Variants in HEMK2 observed in about 807,000 individuals in gnomAD.
The protein encoded by HEMK2 is HemK methyltransferase 2, ETF1 glutamine and histone H4 lysine, also known as methyltransferase HEMK2.
At chr21:28,578,447 AT>A in the HEMK2 span, among the ~76,000 whole-genome samples, 1 of 152,220 alleles carries the variant, frequency 6.6e-6, no homozygotes, top group African/African-American at 2.4e-5. Flanking sequence ...GACAGACGAT[AT>A]TGACAGTACT....
the HEMK2 span, among the ~76,000 whole-genome samples, chr21:28,749,716 G>A: frequency 3.3e-5 from 5 of 152,230 alleles, no homozygotes; most frequent in Admixed American, 3.3e-4. Context: ...AATTTCAGGA[G>A]CAGGATGAGC....
the HEMK2 span, chr21:28,879,929 T>A: frequency 6.2e-7 from 1 of 1,602,632 alleles, no homozygotes; most frequent in Non-Finnish European, 8.5e-7. Context: ...ACTTTTTCGG[T>A]CAATCTTGGT....
chr21:28,662,810 T>A, the HEMK2 span, among the ~76,000 whole-genome samples: 2 of 152,116 alleles, frequency 1.3e-5, no homozygotes, highest in Non-Finnish European at 2.9e-5. Context: ...GAACTGTGAG[T>A]CAATTAAACT....
chr21:28,617,038 A>AAAAT, the HEMK2 span, among the ~76,000 whole-genome samples: 1 of 152,246 alleles, frequency 6.6e-6, no homozygotes, highest in Non-Finnish European at 1.5e-5. Context: ...GTAAGGGAAA[A>AAAAT]AAATAAATAA....
chr21:28,611,132 A>G, the HEMK2 span, among the ~76,000 whole-genome samples: 1 of 152,240 alleles, frequency 6.6e-6, no homozygotes, highest in Non-Finnish European at 1.5e-5. Context: ...ATTCCCCAAG[A>G]TAGACCATAT....
the HEMK2 span, among the ~76,000 whole-genome samples, chr21:28,689,933 C>T: frequency 8.5e-5 from 13 of 152,202 alleles, no homozygotes; most frequent in Admixed American, 1.3e-4. Flanking sequence ...CATTTACACA[C>T]GGCTAATAAA....
chr21:28,629,354 G>A, the HEMK2 span, among the ~76,000 whole-genome samples: 3 of 152,180 alleles, frequency 2.0e-5, no homozygotes, highest in Non-Finnish European at 4.4e-5. Flanking sequence ...ATAAATAAGT[G>A]GGCCTAGGTT....
At chr21:28,655,710 C>A in the HEMK2 span, among the ~76,000 whole-genome samples, 1 of 152,058 alleles carries the variant, frequency 6.6e-6, no homozygotes, top group Admixed American at 6.6e-5. Flanking sequence ...ATCTGAGCAT[C>A]TGACTCATGG....
chr21:28,841,205 T>TATA, the HEMK2 span, among the ~76,000 whole-genome samples: 1 of 19,890 alleles, frequency 5.0e-5, no homozygotes, highest in Admixed American at 1.0e-3. Context: ...ATATATTATA[T>TATA]AATATATTAT....
chr21:28,724,812 C>T, the HEMK2 span, among the ~76,000 whole-genome samples: 1 of 152,120 alleles, frequency 6.6e-6, no homozygotes, highest in Non-Finnish European at 1.5e-5. Context: ...GACAGGGTCT[C>T]ACTCTGTCAC....
At chr21:28,801,933 GTA>G in the HEMK2 span, among the ~76,000 whole-genome samples, 3 of 152,186 alleles carry the variant, frequency 2.0e-5, no homozygotes, top group East Asian at 5.8e-4. Context: ...CACATCATTG[GTA>G]TAAATTAACT....
At chr21:28,752,950 C>T in the HEMK2 span, among the ~76,000 whole-genome samples, 1 of 152,166 alleles carries the variant, frequency 6.6e-6, no homozygotes, top group Admixed American at 6.5e-5. Context: ...CTTCTCCATT[C>T]GTGCTTGGCA....
At chr21:28,678,332 G>A in the HEMK2 span, among the ~76,000 whole-genome samples, 8 of 152,130 alleles carry the variant, frequency 5.3e-5, no homozygotes, top group African/African-American at 1.9e-4. Flanking sequence ...AACGAGAAGA[G>A]AAGTTTAGAG....
At chr21:28,637,314 A>G in the HEMK2 span, among the ~76,000 whole-genome samples, 3 of 152,102 alleles carry the variant, frequency 2.0e-5, no homozygotes, top group Non-Finnish European at 2.9e-5. Context: ...TCCAACCTTC[A>G]TTCCTATTGA....
the HEMK2 span, among the ~76,000 whole-genome samples, chr21:28,669,882 T>G: frequency 2.0e-5 from 3 of 152,208 alleles, no homozygotes; most frequent in Non-Finnish European, 2.9e-5. Context: ...TGGGAACTCA[T>G]GCTCCCTACA....
the HEMK2 span, among the ~76,000 whole-genome samples, chr21:28,645,397 T>C: frequency 6.6e-6 from 1 of 152,206 alleles, no homozygotes; most frequent in African/African-American, 2.4e-5. Context: ...TGTTCAGTTA[T>C]AGACTGCCAT....
chr21:28,614,807 G>A, the HEMK2 span, among the ~76,000 whole-genome samples: 4 of 152,226 alleles, frequency 2.6e-5, no homozygotes, highest in East Asian at 1.9e-4. Context: ...TAGAGAATTC[G>A]CTAACACAGC....
At chr21:28,708,660 A>C in the HEMK2 span, among the ~76,000 whole-genome samples, 1 of 152,384 alleles carries the variant, frequency 6.6e-6, no homozygotes, top group African/African-American at 2.4e-5. Flanking sequence ...ATTAACAAAA[A>C]TAATGCTAGG....
At chr21:28,648,907 G>T in the HEMK2 span, among the ~76,000 whole-genome samples, 1 of 151,630 alleles carries the variant, frequency 6.6e-6, no homozygotes, top group Non-Finnish European at 1.5e-5. Flanking sequence ...TTAACATTAG[G>T]TATATCTCCT....
Sources: allele counts gnomAD v4.1 joint callset (sites outside exome capture counted in the v4.1 genomes callset), GRCh38; gene constraint gnomAD v4.1.1; transcripts MANE v1.5; gene names NCBI Gene and HGNC (gene_info 2026-07-23, HGNC 2026-07-21).